Variants in MED21 observed in about 807,000 individuals in gnomAD.
MED21 encodes mediator complex subunit 21, also known as mediator of RNA polymerase II transcription subunit 21.
MED21 carries 9 observed loss-of-function variants against 18.2 expected under a neutral mutation model. That is an observed-to-expected ratio of 0.49 (90% CI 0.30 to 0.86). The LOEUF (loss-of-function observed/expected upper bound fraction) is 0.86, where lower values mean the gene tolerates loss of function less well. Ranked by LOEUF, MED21 falls within the 40% of genes least tolerant of loss-of-function variation. The probability of loss-of-function intolerance (pLI) is 0.07; values close to 1 mark genes in which losing one functional copy is unlikely to be tolerated. For synonymous variants in MED21, 73 were observed against 60.5 expected, an observed-to-expected ratio of 1.21 and a Z score of -0.96; for missense variants, 150 against 170.9, an observed-to-expected ratio of 0.88 and a Z score of 0.68.
At chr12:27,027,225 C>T (rs1376407441) in intron 2 of MED21, 122 bp from the exon 3 acceptor site, 3 of 604,532 alleles carry the variant, frequency 5.0e-6, no homozygotes, top group Non-Finnish European at 8.6e-6. Context: ...CCACGCCTGG[C>T]CGAATCATTA....
At chr12:27,035,425 G>T (rs1480384696), downstream of MED21, among the ~76,000 whole-genome samples, 3 of 150,416 alleles carry the variant, frequency 2.0e-5, no homozygotes, top group Non-Finnish European at 3.0e-5. Flanking sequence ...TTGGATTAAG[G>T]TGATTTGTTA....
chr12:27,025,173 ATG>A (rs1327294237), intron 1 of MED21, among the ~76,000 whole-genome samples: 1 of 152,222 alleles, frequency 6.6e-6, no homozygotes, highest in Admixed American at 6.5e-5. Flanking sequence ...TAATAGGAGA[ATG>A]TATCCAATTT....
In MED21 at chr12:27,029,877, A is replaced by C; in HGVS notation, c.*1416A>C. The C allele has an allele frequency of 1.1e-6, 1 of 948,246 alleles. No homozygotes were observed. Among genetic ancestry groups the C allele is most frequent in the Non-Finnish European group, 1.3e-6 (1 of 775,238 alleles). 58.7% of individuals were successfully genotyped at this position (948,246 alleles called of 1,614,324 possible). On this transcript the variant is annotated 3_prime_UTR_variant, in exon 4 of 4. Coordinates refer to ENST00000282892, the MANE Select transcript of MED21 (RefSeq NM_004264.5). ...AGGTACAAAGAGAAAAGGTCAAGAC[A>C]TTTTTCAAATGAGGGAAAACTAACA...
chr12:27,026,378 G>A, intron 1 of MED21, 42 bp from the exon 2 acceptor site: 3 of 1,325,726 alleles, frequency 2.3e-6, no homozygotes, highest in Non-Finnish European at 3.2e-6. Context: ...CCTTAAAACT[G>A]ATAAGTCCTT....
downstream of MED21, among the ~76,000 whole-genome samples, chr12:27,035,503 A>G (rs1287355880): frequency 6.0e-5 from 9 of 149,560 alleles, no homozygotes; most frequent in East Asian, 1.8e-3. Context: ...TTAGTTACAT[A>G]TGTATACATG....
Position 27,028,600 on chromosome 12 carries a change from A to G in MED21, c.*139A>G, listed in dbSNP as rs1941575762. On this transcript the variant is annotated 3_prime_UTR_variant, in exon 4 of 4. Coordinates refer to ENST00000282892, the MANE Select transcript of MED21 (RefSeq NM_004264.5). Reference sequence around the variant, plus strand: ...CACATTACCTTTTTAGCTATTTTTAATAGTCTTCTATTTTCACTCTTGATA... The same window carrying G: ...CACATTACCTTTTTAGCTATTTTTAGTAGTCTTCTATTTTCACTCTTGATA... 8.3e-6 allele frequency: 11 copies of G among 1,323,556 alleles called. No homozygotes were observed. In the South Asian group the frequency reaches 2.0e-4, roughly 24 times the overall value. The allele number at this position is 1,323,556 out of a possible 1,614,324, so 82.0% of individuals were successfully genotyped here. A position where few individuals can be genotyped will look rare whatever the true frequency, so the allele number is the denominator to read the frequency against.
downstream of MED21, among the ~76,000 whole-genome samples, chr12:27,035,736 A>G (rs886856589): frequency 1.3e-5 from 2 of 151,028 alleles, no homozygotes; most frequent in African/African-American, 2.4e-5. Context: ...ATGATTTCCA[A>G]TTTCATCCAT....
Position 27,030,121 on chromosome 12 carries a change from A to G in MED21, c.*1660A>G. 1 of 607,798 alleles carries G rather than the reference A, an allele frequency of 1.6e-6. No homozygotes were observed. Among genetic ancestry groups the G allele is most frequent in the Non-Finnish European group, 3.0e-6 (1 of 334,298 alleles). The allele number at this position is 607,798 out of a possible 1,614,324, so 37.7% of individuals were successfully genotyped here. A position where few individuals can be genotyped will look rare whatever the true frequency, so the allele number is the denominator to read the frequency against. On this transcript the variant is annotated 3_prime_UTR_variant, in exon 4 of 4. Coordinates refer to ENST00000282892, the MANE Select transcript of MED21 (RefSeq NM_004264.5). ...ATGTGATTCTCTGTAGAGGATATAC[A>G]GTTTTTTTTTGTTGTTCTTGTTTCT...
chr12:27,022,902 G>A, intron 1 of MED21: 2 of 1,350,814 alleles, frequency 1.5e-6, no homozygotes, highest in Non-Finnish European at 1.9e-6. Context: ...GGGCTGCGCG[G>A]TCCTGTCGTG....
At chr12:27,034,076 A>C (rs953992986), downstream of MED21, among the ~76,000 whole-genome samples, 3 of 152,222 alleles carry the variant, frequency 2.0e-5, no homozygotes, top group Non-Finnish European at 4.4e-5. Flanking sequence ...TTTAAAATTT[A>C]AATGGTCCTT....
Position 27,022,577 on chromosome 12 carries a change from A to G in MED21, c.-3A>G, listed in dbSNP as rs1941483938. On this transcript the variant is annotated 5_prime_UTR_variant, in exon 1 of 4. Coordinates refer to ENST00000282892, the MANE Select transcript of MED21 (RefSeq NM_004264.5). ...TTTGGCGTCTGTTTGCTGCGGTAGG[A>G]ACATGGCGGATCGGCTCACGCAGCT... is the stretch of plus-strand genomic sequence containing the variant. 3.2e-6 allele frequency: 5 copies of G among 1,560,630 alleles called. No homozygotes were observed. Among genetic ancestry groups the G allele is most frequent in the Non-Finnish European group, 4.4e-6 (5 of 1,147,776 alleles).
chr12:27,031,594 T>G (rs1941619663), downstream of MED21, among the ~76,000 whole-genome samples: 4 of 152,104 alleles, frequency 2.6e-5, no homozygotes, highest in African/African-American at 9.7e-5. Flanking sequence ...TCCAGTCAGA[T>G]CAGAGAACAA....
chr12:27,023,457 C>G (rs1182320125), intron 1 of MED21, among the ~76,000 whole-genome samples: 2 of 151,854 alleles, frequency 1.3e-5, no homozygotes, highest in African/African-American at 4.8e-5. Context: ...CCACCACGCC[C>G]GGCTAATGTT....
At chr12:27,035,216 A>G (rs1418552721), downstream of MED21, among the ~76,000 whole-genome samples, 7 of 152,196 alleles carry the variant, frequency 4.6e-5, no homozygotes, top group Non-Finnish European at 8.8e-5. Context: ...GTCTCAAACA[A>G]AATAAAAACA....
In MED21 at chr12:27,026,598, A is replaced by C. The variant is rs544787867; in HGVS notation, c.157+64A>C. On this transcript the variant is annotated intron_variant, in intron 2 of 3. Transcript: ENST00000282892. Reference sequence around the variant, plus strand: ...ACATTTTTTGTAATCCTTTAAAATTAGATTTCTTGAGAAATTCAGCTTATT... The same window carrying C: ...ACATTTTTTGTAATCCTTTAAAATTCGATTTCTTGAGAAATTCAGCTTATT... 6 of 1,016,922 alleles carry C rather than the reference A, an allele frequency of 5.9e-6. No individual in the cohort carries two copies. In the South Asian group the frequency reaches 7.0e-5, roughly 12 times the overall value. 63.0% of individuals were successfully genotyped at this position (1,016,922 alleles called of 1,614,324 possible).
chr12:27,026,618 C>G, intron 2 of MED21, 84 bp downstream of exon 2: 1 of 896,880 alleles, frequency 1.1e-6, no homozygotes, highest in Non-Finnish European at 1.8e-6. Flanking sequence ...AGAAATTCAG[C>G]TTATTTTATT....
chr12:27,026,229 T>C (rs1941543203), intron 1 of MED21, among the ~76,000 whole-genome samples, 191 bp from the exon 2 acceptor site: 1 of 152,262 alleles, frequency 6.6e-6, no homozygotes, highest in Admixed American at 6.5e-5. Context: ...CAAACTTAGT[T>C]TCTTTGCAGA....
In MED21 at chr12:27,030,147, GT is replaced by G; in HGVS notation, c.*1693del. ...GTTTTTTTTTGTTGTTCTTGTTTCTGTTTTTTTAAGGTGAAGTCTCTGTCAC... is the reference window on the plus strand; with the variant it reads ...GTTTTTTTTTGTTGTTCTTGTTTCTGTTTTTTAAGGTGAAGTCTCTGTCAC... On this transcript the variant is annotated 3_prime_UTR_variant, in exon 4 of 4. Transcript: ENST00000282892. The G allele has an allele frequency of 1.1e-5, 7 of 655,074 alleles. No homozygotes were observed. The highest frequency in any genetic ancestry group is 2.2e-5 in the Admixed American group (1 of 44,826). The allele number at this position is 655,074 out of a possible 1,614,324, so 40.6% of individuals were successfully genotyped here.
At chr12:27,032,924 A>T (rs994609928), downstream of MED21, among the ~76,000 whole-genome samples, 1 of 152,160 alleles carries the variant, frequency 6.6e-6, no homozygotes, top group Admixed American at 6.5e-5. Flanking sequence ...CTGAAAATTG[A>T]CTAGCCACCA....
Sources: gnomAD v4.1 joint callset for allele counts (sites outside exome capture counted in the v4.1 genomes callset) on GRCh38, gnomAD v4.1.1 for gene constraint, MANE v1.5 for transcripts, NCBI Gene and HGNC (gene_info 2026-07-23, HGNC 2026-07-21) for gene names.